Variants in FAAH2 observed in about 807,000 individuals in gnomAD.
FAAH2 encodes the protein fatty-acid amide hydrolase 2.
Under a neutral mutation model 36.9 loss-of-function variants are expected in FAAH2, and 60 were observed. That is an observed-to-expected ratio of 1.63 (90% CI 1.32 to 2.02). The LOEUF (loss-of-function observed/expected upper bound fraction) is 2.02. FAAH2 is among the 30% of genes most tolerant of loss of function. The pLI is 0.00. For synonymous variants in FAAH2, 214 were observed against 143.8 expected (o/e 1.49, Z -3.49); for missense variants, 689 against 397.5 (o/e 1.73, Z -6.23).
At chrX:57,278,600 A>AG in the FAAH2 span, among the ~76,000 whole-genome samples, 1 of 106,509 alleles carries the variant, frequency 9.4e-6, no homozygotes, top group Non-Finnish European at 1.9e-5. Flanking sequence ...AAAACTAAAG[A>AG]GTTTCTGCAC....
At chrX:57,325,392 T>C (rs753995422) in intron 3 of FAAH2, among the ~76,000 whole-genome samples, 2 of 111,877 alleles carry the variant, frequency 1.8e-5, no homozygotes, top group South Asian at 7.6e-4. Context: ...TTCTATTGAT[T>C]GGAATAGTTT....
At chrX:57,417,442 C>T (rs1242209513) in intron 7 of FAAH2, among the ~76,000 whole-genome samples, 1 of 111,909 alleles carries the variant, frequency 8.9e-6, no homozygotes, top group Non-Finnish European at 1.9e-5. Context: ...GATGTTGATG[C>T]TATCCCTTTT....
chrX:57,291,672 T>C (rs913546021), intron 1 of FAAH2, among the ~76,000 whole-genome samples: 1 of 111,569 alleles, frequency 9.0e-6, no homozygotes, highest in Non-Finnish European at 1.9e-5. Context: ...TGATTTCTTT[T>C]TAATTATTTT....
the FAAH2 span, among the ~76,000 whole-genome samples, chrX:57,254,370 C>G: frequency 3.6e-5 from 4 of 111,682 alleles, no homozygotes; most frequent in Admixed American, 9.5e-5. Context: ...ATCAATGAGA[C>G]AGAAAATTAA....
intron 5 of FAAH2, among the ~76,000 whole-genome samples, chrX:57,373,848 T>C (rs982530328): frequency 8.9e-6 from 1 of 112,107 alleles, no homozygotes; most frequent in Non-Finnish European, 1.9e-5. Context: ...TTTCATAGTT[T>C]CAGGTCTTAG....
the FAAH2 span, among the ~76,000 whole-genome samples, chrX:57,132,071 G>GAT: frequency 5.3e-5 from 6 of 112,186 alleles, no homozygotes; most frequent in Non-Finnish European, 1.1e-4. Flanking sequence ...AATGGGACGT[G>GAT]ATATACGTAA....
the FAAH2 span, among the ~76,000 whole-genome samples, chrX:57,151,227 C>A: frequency 9.0e-6 from 1 of 111,618 alleles, no homozygotes; most frequent in African/African-American, 3.3e-5. Flanking sequence ...ATGAATCTGA[C>A]AATTATGTGT....
At chrX:57,207,637 G>C in the FAAH2 span, among the ~76,000 whole-genome samples, 2 of 112,242 alleles carry the variant, frequency 1.8e-5, no homozygotes, top group African/African-American at 6.5e-5. Flanking sequence ...CTGCTTTCCA[G>C]GGAACAGAAG....
intron 10 of FAAH2, among the ~76,000 whole-genome samples, chrX:57,484,315 G>T (rs190116317): frequency 9.0e-6 from 1 of 111,056 alleles, no homozygotes; most frequent in African/African-American, 3.3e-5. Context: ...CCTTTGGCTT[G>T]CCCACAAATA....
intron 10 of FAAH2, among the ~76,000 whole-genome samples, chrX:57,471,449 A>T (rs1465809273): frequency 9.0e-6 from 1 of 111,113 alleles, no homozygotes. Context: ...TTATACACCC[A>T]TAACAGATAG....
At chrX:57,385,252 AC>A (rs1286664975) in intron 7 of FAAH2, among the ~76,000 whole-genome samples, 2 of 97,107 alleles carry the variant, frequency 2.1e-5, no homozygotes, top group East Asian at 6.6e-4. Flanking sequence ...CATGTTGTGC[AC>A]ATGTACCCTA....
intron 7 of FAAH2, among the ~76,000 whole-genome samples, chrX:57,418,332 T>C (rs2055901498): frequency 8.9e-6 from 1 of 111,887 alleles, no homozygotes; most frequent in African/African-American, 3.2e-5. Context: ...CCCAGTGTTT[T>C]GCTTGAAGCC....
intron 2 of FAAH2, among the ~76,000 whole-genome samples, chrX:57,302,683 C>T (rs747193849): frequency 1.8e-5 from 2 of 111,273 alleles, no homozygotes; most frequent in East Asian, 5.7e-4. Flanking sequence ...ATTTCGCTCC[C>T]CTACCACTGG....
At chrX:57,419,316 T>C (rs1420301806) in intron 7 of FAAH2, among the ~76,000 whole-genome samples, 2 of 110,878 alleles carry the variant, frequency 1.8e-5, no homozygotes, top group Non-Finnish European at 3.8e-5. Context: ...ATGGTTGAAC[T>C]AGTTTACAGT....
chrX:57,383,315 G>T (rs192785839), intron 7 of FAAH2, among the ~76,000 whole-genome samples: 8 of 112,060 alleles, frequency 7.1e-5, no homozygotes, highest in African/African-American at 2.6e-4. Context: ...AGTGTTGGAA[G>T]TTCTGGTCAG....
chrX:57,477,121 T>C (rs2147264923), intron 10 of FAAH2, among the ~76,000 whole-genome samples: 1 of 111,263 alleles, frequency 9.0e-6, no homozygotes, highest in South Asian at 3.7e-4. Context: ...TAGTGATCTA[T>C]TTATTTTGTT....
the FAAH2 span, among the ~76,000 whole-genome samples, chrX:57,179,003 G>T: frequency 1.3e-4 from 14 of 111,663 alleles, no homozygotes; most frequent in African/African-American, 3.9e-4. Flanking sequence ...TTGGAACCAA[G>T]AATTTTATAT....
Position 57,375,656 on chromosome X carries a change from G to A in FAAH2, c.743-2995G>A, listed in dbSNP as rs1254717805. On this transcript the variant is annotated intron_variant, in intron 5 of 10. Coordinates refer to ENST00000374900, the MANE Select transcript of FAAH2 (RefSeq NM_174912.4). ...ACTTGTTGTAATATCATAGACAATG[G>A]TTTGGAAGAATTATTATCTTTTTAT... Among the ~76,000 whole-genome samples, 7 of 110,553 alleles carry A rather than the reference G, an allele frequency of 6.3e-5. No homozygotes were observed. The South Asian group carries it at 2.6e-3, about 41-fold the overall frequency.
chrX:57,438,140 T>A lies in FAAH2; in HGVS notation c.1116+6103T>A, dbSNP rs1198875334. 5.7e-5 allele frequency among the ~76,000 whole-genome samples: 6 copies of A among 105,752 alleles called. No homozygotes were observed. In the East Asian group the frequency reaches 1.8e-3, roughly 31 times the overall value. 91.8% of individuals were successfully genotyped at this position (105,752 alleles called of 115,157 possible). A position where few individuals can be genotyped will look rare whatever the true frequency, so the allele number is the denominator to read the frequency against. ...GTGTATATGTATACACGTGTATATA[T>A]ATTTGTGTATATATATATACACACA... On this transcript the variant is annotated intron_variant, in intron 8 of 10. Coordinates refer to ENST00000374900, the MANE Select transcript of FAAH2 (RefSeq NM_174912.4).
Sources: gnomAD v4.1 joint callset for allele counts (sites outside exome capture counted in the v4.1 genomes callset) on GRCh38, gnomAD v4.1.1 for gene constraint, MANE v1.5 for transcripts, NCBI Gene and HGNC (gene_info 2026-07-23, HGNC 2026-07-21) for gene names.